TCF4: variants seen among roughly 807,000 people sequenced by gnomAD.
The protein encoded by TCF4 is transcription factor 4, also known as SL3-3 enhancer factor 2.
Under a neutral mutation model 82.1 loss-of-function variants are expected in TCF4, and 3 were observed. The ratio of observed to expected loss-of-function variants is 0.04; its 90% confidence interval spans 0.02 to 0.09. TCF4 has a LOEUF of 0.09. TCF4 is among the 10% of genes least tolerant of loss of function. The pLI, the probability that TCF4 is intolerant of heterozygous loss-of-function variation, is 1.00. For missense variants in TCF4, 518 were observed against 852.7 expected (o/e 0.61, Z 4.89); for synonymous variants, 276 against 309.6 (o/e 0.89, Z 1.14).
intron 8 of TCF4, among the ~76,000 whole-genome samples, chr18:55,340,325 G>A (rs1224088287): frequency 6.6e-6 from 1 of 152,028 alleles, no homozygotes; most frequent in Non-Finnish European, 1.5e-5. Context: ...CAGACCACTA[G>A]GTCTAATGAT....
chr18:55,616,812 G>A (rs1049211706), intron 2 of TCF4, among the ~76,000 whole-genome samples: 1 of 151,934 alleles, frequency 6.6e-6, no homozygotes, highest in African/African-American at 2.4e-5. Flanking sequence ...TTGTGTTGCA[G>A]GAGTTCCCTA....
chr18:55,454,455 T>C (rs1568081803), intron 5 of TCF4, among the ~76,000 whole-genome samples: 1 of 152,218 alleles, frequency 6.6e-6, no homozygotes. Context: ...CAGTCATTTA[T>C]TGAGGTCCTA....
chr18:55,446,814 C>A (rs532018388), intron 5 of TCF4, among the ~76,000 whole-genome samples: 1 of 151,948 alleles, frequency 6.6e-6, no homozygotes, highest in South Asian at 2.1e-4. Flanking sequence ...GAAACCCTGT[C>A]TCTACTAAAA....
chr18:55,389,057 C>T (rs556810775), intron 6 of TCF4, among the ~76,000 whole-genome samples: 16 of 150,368 alleles, frequency 1.1e-4, no homozygotes, highest in Non-Finnish European at 2.2e-4. Context: ...ACCCGGGAGG[C>T]AGGGATTGCA....
At chr18:55,421,510 C>T (rs571395713) in intron 5 of TCF4, among the ~76,000 whole-genome samples, 1 of 152,274 alleles carries the variant, frequency 6.6e-6, no homozygotes, top group East Asian at 1.9e-4. Context: ...TTGGGAATTA[C>T]AATTTAACTT....
chr18:55,491,407 G>A (rs1349571342), intron 3 of TCF4, among the ~76,000 whole-genome samples: 8 of 152,110 alleles, frequency 5.3e-5, no homozygotes, highest in Admixed American at 6.6e-5. Flanking sequence ...TGACACAATC[G>A]AAAGGGCATT....
In TCF4 at chr18:55,257,206, C is replaced by T. The variant is rs1646959335; in HGVS notation, c.1146+109G>A. On this transcript the variant is annotated intron_variant, in intron 14 of 19. Transcript: ENST00000354452. The stretch of plus-strand genomic sequence containing the variant: ...CGCAAACCTGTGTGCTTAATGCTGA[C>T]TTAAAGTTACTAACAGGGAAAATCA... 6.8e-6 allele frequency: 8 copies of T among 1,181,084 alleles called. No individual in the cohort carries two copies. The East Asian group carries it at 1.9e-4, about 28-fold the overall frequency. The allele number at this position is 1,181,084 out of a possible 1,614,324, so 73.2% of individuals were successfully genotyped here. A position where few individuals can be genotyped will look rare whatever the true frequency, so the allele number is the denominator to read the frequency against.
intron 8 of TCF4, among the ~76,000 whole-genome samples, chr18:55,313,200 TG>T (rs2073098814): frequency 6.6e-6 from 1 of 152,160 alleles, no homozygotes; most frequent in South Asian, 2.1e-4. Flanking sequence ...TGTTTAATTA[TG>T]GAAGTATTAA....
intron 6 of TCF4, among the ~76,000 whole-genome samples, chr18:55,386,853 T>C (rs1234976930): frequency 6.6e-6 from 1 of 152,152 alleles, no homozygotes; most frequent in Non-Finnish European, 1.5e-5. Context: ...TGAGCATTTC[T>C]GGGGAGACTG....
intron 6 of TCF4, among the ~76,000 whole-genome samples, chr18:55,381,379 T>C (rs1043228325): frequency 6.6e-6 from 1 of 152,250 alleles, no homozygotes; most frequent in Non-Finnish European, 1.5e-5. Context: ...AGTAAGCCAC[T>C]GTAACATTAG....
intron 5 of TCF4, among the ~76,000 whole-genome samples, chr18:55,425,485 G>T (rs1603459324): frequency 1.4e-5 from 2 of 147,058 alleles, no homozygotes; most frequent in Non-Finnish European, 1.5e-5. Flanking sequence ...CTTAGTCCTT[G>T]TTAGCAAGGA....
chr18:55,486,649 A>G (rs1227544151), intron 3 of TCF4, among the ~76,000 whole-genome samples: 1 of 152,180 alleles, frequency 6.6e-6, no homozygotes, highest in Non-Finnish European at 1.5e-5. Context: ...AATATTGGAG[A>G]GCACAAAGAA....
At chr18:55,536,166 C>T (rs1171766946) in intron 3 of TCF4, among the ~76,000 whole-genome samples, 1 of 152,144 alleles carries the variant, frequency 6.6e-6, no homozygotes, top group African/African-American at 2.4e-5. Flanking sequence ...ATAGAAACAA[C>T]ATCAATGCTA....
chr18:55,255,166 G>T (rs1053666294), intron 14 of TCF4, among the ~76,000 whole-genome samples: 1 of 152,102 alleles, frequency 6.6e-6, no homozygotes, highest in Non-Finnish European at 1.5e-5. Context: ...ATATGACCCA[G>T]TGCTAAGTAC....
chr18:55,333,939 T>C (rs1032438980), intron 8 of TCF4, among the ~76,000 whole-genome samples: 5 of 152,216 alleles, frequency 3.3e-5, no homozygotes, highest in East Asian at 1.9e-4. Flanking sequence ...ATGATAATTA[T>C]ATAAACTCCT....
intron 10 of TCF4, among the ~76,000 whole-genome samples, chr18:55,275,275 G>GAA (rs533160424): frequency 0.18 from 12,961 of 71,204 alleles, 1,233 homozygotes; most frequent in East Asian, 0.37. Flanking sequence ...ACTACAGATA[G>GAA]AAAAAAAAAA....
chr18:55,621,662 CATTATATAATATACATTATATATTAT>C (rs2097719877), intron 2 of TCF4, among the ~76,000 whole-genome samples: 1 of 44,568 alleles, frequency 2.2e-5, no homozygotes, highest in Non-Finnish European at 4.1e-5. Flanking sequence ...ATATAATATA[CATTATATAATATACATTATATATTAT>C]ATTATATAAT....
At chr18:55,310,481 G>T (rs1366201369) in intron 8 of TCF4, among the ~76,000 whole-genome samples, 1 of 152,206 alleles carries the variant, frequency 6.6e-6, no homozygotes, top group Non-Finnish European at 1.5e-5. Flanking sequence ...GTTGGCAGAT[G>T]TAAGACTCAG....
At chr18:55,417,881 C>T (rs547433339) in intron 5 of TCF4, among the ~76,000 whole-genome samples, 8 of 151,848 alleles carry the variant, frequency 5.3e-5, no homozygotes, top group East Asian at 3.9e-4. Flanking sequence ...AAAGAATTCT[C>T]GGGGGAGAAC....
Sources: gnomAD v4.1 joint callset for allele counts (sites outside exome capture counted in the v4.1 genomes callset) on GRCh38, gnomAD v4.1.1 for gene constraint, MANE v1.5 for transcripts, NCBI Gene and HGNC (gene_info 2026-07-23, HGNC 2026-07-21) for gene names.